CCN3: variants seen among roughly 807,000 people sequenced by gnomAD.
CCN3 encodes the protein cellular communication network factor 3, also known as CCN family member 3.
A neutral mutation model predicts 33.4 loss-of-function variants in CCN3; 20 were observed. The observed-to-expected ratio is 0.60, with a 90% CI of 0.42 to 0.87. CCN3 has a LOEUF of 0.87. Among genes scored for constraint, CCN3 ranks in the 40% least tolerant of loss-of-function variants. The pLI is 0.00. For missense variants in CCN3, 465 were observed against 455.3 expected (o/e 1.02, Z -0.19); for synonymous variants, 205 against 170.4 (o/e 1.20, Z -1.58).
chr8:119,416,610 G>A lies in CCN3; in HGVS notation c.78G>A (p.Leu26=). 3 of 1,613,614 alleles carry A rather than the reference G, an allele frequency of 1.9e-6. No homozygotes were observed. Among genetic ancestry groups the A allele is most frequent in the Middle Eastern group, 1.6e-4 (1 of 6,062 alleles). Residue 26 remains leucine, a synonymous_variant, in exon 1 of 5, where the codon CTG becomes CTA. Coordinates refer to ENST00000259526, the MANE Select transcript of CCN3 (RefSeq NM_002514.4). ...LCLTFLLLHL[L]GQVAATQRCP... ...TGACCTTCCTGCTTCTCCATCTCCTGGGACAGGTAAGTGGCACACCCTTAA... is the reference window on the plus strand; with the variant it reads ...TGACCTTCCTGCTTCTCCATCTCCTAGGACAGGTAAGTGGCACACCCTTAA...
rs1161476786 is a variant in CCN3 at position 119,416,448 on chromosome 8, G to A, written c.-85G>A. The A allele has an allele frequency of 2.8e-5, 38 of 1,335,948 alleles. No homozygotes were observed. The highest frequency in any genetic ancestry group is 3.9e-5 in the Non-Finnish European group (37 of 943,666). The allele number at this position is 1,335,948 out of a possible 1,614,324, so 82.8% of individuals were successfully genotyped here. A position where few individuals can be genotyped will look rare whatever the true frequency, so the allele number is the denominator to read the frequency against. On this transcript the variant is annotated 5_prime_UTR_variant, in exon 1 of 5. Transcript: ENST00000259526. ...AACCTGTGCTGGGCGTGATCGGCAA[G>A]CACCGGACCAGGGGGAAGGCGAGCA...
At position 119,416,547 on chromosome 8, in the gene CCN3, G is replaced by C. The variant is rs1219524439; in HGVS notation, c.15G>C (p.Gln5His). MQSVQSTSFCLRKQC... is the reference protein window; with the variant it reads MQSVHSTSFCLRKQC... ...AAAGCCTGAGCATGCAGAGTGTGCA[G>C]AGCACGAGCTTTTGTCTCCGAAAGC... Residue 5 changes from glutamine to histidine, a missense_variant, in exon 1 of 5, where the codon CAG (glutamine) becomes CAC (histidine). Coordinates refer to ENST00000259526, the MANE Select transcript of CCN3 (RefSeq NM_002514.4). 1.2e-6 allele frequency: 2 copies of C among 1,613,888 alleles called. No individual in the cohort carries two copies. Among genetic ancestry groups the C allele is most frequent in the Non-Finnish European group, 8.5e-7 (1 of 1,179,982 alleles).
Position 119,423,352 on chromosome 8 carries a change from G to T in CCN3, c.*220G>T. 1 of 447,966 alleles carries T rather than the reference G, an allele frequency of 2.2e-6. No homozygotes were observed. The highest frequency in any genetic ancestry group is 5.6e-5 in the South Asian group (1 of 17,934). 27.7% of individuals were successfully genotyped at this position (447,966 alleles called of 1,614,324 possible). A position where few individuals can be genotyped will look rare whatever the true frequency, so the allele number is the denominator to read the frequency against. On this transcript the variant is annotated 3_prime_UTR_variant, in exon 5 of 5. Coordinates refer to ENST00000259526, the MANE Select transcript of CCN3 (RefSeq NM_002514.4). Reference sequence around the variant, plus strand: ...CAAGGTAAGCTCAGGATATGGCTTAGGAATGACTTACTTTCCTGTGGTTTT... The same window carrying T: ...CAAGGTAAGCTCAGGATATGGCTTATGAATGACTTACTTTCCTGTGGTTTT...
In CCN3 at chr8:119,416,818, G is replaced by A. The variant is rs768712383; in HGVS notation, c.159G>A (p.Gly53=). The A allele has an allele frequency of 1.9e-6, 3 of 1,609,118 alleles. No individual in the cohort carries two copies. The highest frequency in any genetic ancestry group is 2.5e-6 in the Non-Finnish European group (3 of 1,178,118). Residue 53 remains glycine (G), a synonymous_variant, in exon 2 of 5, where the codon GGG becomes GGA. Transcript: ENST00000259526. ...CPATPPTCAP[G]VRAVLDGCSC... is the part of the protein sequence containing the mutation. ...CGACGCCGCCGACCTGCGCCCCCGG[G>A]GTGCGCGCGGTGCTGGACGGCTGCT...
At position 119,424,159 on chromosome 8, in the gene CCN3, T is replaced by C. The variant is rs935824854; in HGVS notation, c.*1027T>C. The C allele has an allele frequency of 1.9e-4, 29 of 152,240 alleles. No individual in the cohort carries two copies. The highest frequency in any genetic ancestry group is 4.1e-4 in the Non-Finnish European group (28 of 68,040). 9.4% of individuals were successfully genotyped at this position (152,240 alleles called of 1,614,324 possible). A position where few individuals can be genotyped will look rare whatever the true frequency, so the allele number is the denominator to read the frequency against. ...AAAACTCATGATCAAGATATATGTG[T>C]ATACATACATGTATCTGGTTTGTCA... On this transcript the variant is annotated 3_prime_UTR_variant, in exon 5 of 5. Coordinates refer to ENST00000259526, the MANE Select transcript of CCN3 (RefSeq NM_002514.4).
At chr8:119,418,458 A>T (rs1399981646) in intron 3 of CCN3, 149 bp downstream of exon 3, 2 of 862,952 alleles carry the variant, frequency 2.3e-6, no homozygotes, top group Non-Finnish European at 3.5e-6. Context: ...GAGATCAAAC[A>T]CATTTGTAGA....
At chr8:119,421,087 T>A (rs184324031) in intron 4 of CCN3, among the ~76,000 whole-genome samples, 1 of 148,410 alleles carries the variant, frequency 6.7e-6, no homozygotes, top group African/African-American at 2.5e-5. Flanking sequence ...GGCACAATCT[T>A]GGCTCACCGC....
chr8:119,416,451 C>T lies in CCN3; in HGVS notation c.-82C>T. ...CTGTGCTGGGCGTGATCGGCAAGCACCGGACCAGGGGGAAGGCGAGCAGTG... is the reference window on the plus strand; with the variant it reads ...CTGTGCTGGGCGTGATCGGCAAGCATCGGACCAGGGGGAAGGCGAGCAGTG... On this transcript the variant is annotated 5_prime_UTR_variant, in exon 1 of 5. Coordinates refer to ENST00000259526, the MANE Select transcript of CCN3 (RefSeq NM_002514.4). The T allele has an allele frequency of 2.2e-6, 3 of 1,377,024 alleles. No individual in the cohort carries two copies. The highest frequency in any genetic ancestry group is 3.1e-6 in the Non-Finnish European group (3 of 979,312). The allele number at this position is 1,377,024 out of a possible 1,614,324, so 85.3% of individuals were successfully genotyped here.
chr8:119,421,913 T>A (rs1314724465), intron 4 of CCN3, among the ~76,000 whole-genome samples: 2 of 152,224 alleles, frequency 1.3e-5, no homozygotes, highest in African/African-American at 4.8e-5. Context: ...TGAGTTAATG[T>A]TTGAAGAGTA....
intron 4 of CCN3, among the ~76,000 whole-genome samples, chr8:119,421,415 A>C (rs1820122385): frequency 6.6e-6 from 1 of 152,144 alleles, no homozygotes; most frequent in South Asian, 2.1e-4. Context: ...TGAATCCAAA[A>C]CTCAGGGTGT....
rs1186411552 is a variant in CCN3 at position 119,423,065 on chromosome 8, A to G, written c.1007A>G (p.Asn336Ser). ...ATTGGGACCTGCACCTGTCACACCAACTGTCCTAAGAACAATGAGGCCTTC... is the reference window on the plus strand; with the variant it reads ...ATTGGGACCTGCACCTGTCACACCAGCTGTCCTAAGAACAATGAGGCCTTC... ...MVIGTCTCHT[N>S]CPKNNEAFLQ... Residue 336 changes from asparagine (N) to serine (S), a missense_variant, in exon 5 of 5, where the codon AAC becomes AGC. Coordinates refer to ENST00000259526, the MANE Select transcript of CCN3 (RefSeq NM_002514.4). 3.7e-6 allele frequency: 6 copies of G among 1,614,036 alleles called. No homozygotes were observed. Among genetic ancestry groups the G allele is most frequent in the African/African-American group, 1.3e-5 (1 of 74,912 alleles).
At chr8:119,418,029 C>T in intron 2 of CCN3, 29 bp from the exon 3 acceptor site, 1 of 1,595,702 alleles carries the variant, frequency 6.3e-7, no homozygotes, top group South Asian at 1.1e-5. Flanking sequence ...TTCCTCTTTG[C>T]TTTTCACTTT....
At chr8:119,422,754 C>T in intron 4 of CCN3, 82 bp from the exon 5 acceptor site, 1 of 1,141,612 alleles carries the variant, frequency 8.8e-7, no homozygotes, top group Non-Finnish European at 1.3e-6. Flanking sequence ...GGGTGGGCAA[C>T]TAGCAGGTAA....
Position 119,422,945 on chromosome 8 carries a change from G to A in CCN3, c.887G>A (p.Ser296Asn). The change falls in exon 5 of 5, where the codon AGT becomes AAT. Residue 296 changes from serine to asparagine, a missense_variant. By Grantham distance (46) the Ser-to-Asn change is conservative. Coordinates refer to ENST00000259526, the MANE Select transcript of CCN3 (RefSeq NM_002514.4). ...AAGCCCAGGTTCTGTGGGGTCTGCA[G>A]TGATGGCCGCTGCTGCACTCCCCAC... is the stretch of plus-strand genomic sequence containing the variant. ...TYKPRFCGVC[S>N]DGRCCTPHNT... 1 of 1,614,150 alleles carries A rather than the reference G, an allele frequency of 6.2e-7. No homozygotes were observed. The highest frequency in any genetic ancestry group is 1.3e-5 in the African/African-American group (1 of 75,040).
intron 3 of CCN3, 85 bp from the exon 4 acceptor site, chr8:119,419,046 C>T: frequency 3.0e-6 from 3 of 1,012,706 alleles, no homozygotes; most frequent in Non-Finnish European, 4.6e-6. Flanking sequence ...GAATGAGACC[C>T]AGTTTCTAAT....
chr8:119,418,276 G>T lies in CCN3; in HGVS notation c.529G>T (p.Glu177Ter). ...CCEKWICGPD[E>*]EDSLGGLTLA... ...TGAAAAGTGGATCTGTGGCCCAGATGAGGAGGATTCACTGGGAGGCCTTAC... is the reference window on the plus strand; with the variant it reads ...TGAAAAGTGGATCTGTGGCCCAGATTAGGAGGATTCACTGGGAGGCCTTAC... Residue 177 changes from glutamate to a stop codon, truncating the protein, a stop_gained, in exon 3 of 5, where the codon GAG becomes TAG. Coordinates refer to ENST00000259526, the MANE Select transcript of CCN3 (RefSeq NM_002514.4). LOFTEE classifies it high-confidence loss of function. 6.2e-7 allele frequency: 1 copy of T among 1,614,152 alleles called. No homozygotes were observed. The highest frequency in any genetic ancestry group is 8.5e-7 in the Non-Finnish European group (1 of 1,180,032).
chr8:119,419,083 T>A lies in CCN3; in HGVS notation c.563-48T>A, dbSNP rs368526303. ...ATGGCTGAAAAGGACCACTTTCCAA[T>A]CCTCACATTGTACCTAATATGGCTG... On this transcript the variant is annotated intron_variant, in intron 3 of 4. Transcript: ENST00000259526. 1.5e-5 allele frequency: 22 copies of A among 1,489,630 alleles called. No homozygotes were observed. In the African/African-American group the frequency reaches 2.9e-4, roughly 20 times the overall value. The allele number at this position is 1,489,630 out of a possible 1,614,324, so 92.3% of individuals were successfully genotyped here.
Position 119,418,195 on chromosome 8 carries a change from C to A in CCN3, c.448C>A (p.Leu150Met), listed in dbSNP as rs1205981832. Residue 150 changes from leucine to methionine, a missense_variant, in exon 3 of 5, where the codon CTG becomes ATG. By Grantham distance (15) the Leu-to-Met change is conservative. Coordinates refer to ENST00000259526, the MANE Select transcript of CCN3 (RefSeq NM_002514.4). ...CVPRCQLDVL[L>M]PEPNCPAPRK... is the part of the protein sequence containing the mutation. ...GCCCCGCTGTCAGCTGGATGTGCTACTGCCTGAGCCTAACTGCCCAGCTCC... is the reference window on the plus strand; with the variant it reads ...GCCCCGCTGTCAGCTGGATGTGCTAATGCCTGAGCCTAACTGCCCAGCTCC... 6.2e-7 allele frequency: 1 copy of A among 1,614,108 alleles called. No homozygotes were observed. The highest frequency in any genetic ancestry group is 8.5e-7 in the Non-Finnish European group (1 of 1,180,056).
chr8:119,417,351 G>A (rs948133991), intron 2 of CCN3, among the ~76,000 whole-genome samples: 6 of 152,202 alleles, frequency 3.9e-5, no homozygotes, highest in Non-Finnish European at 8.8e-5. Context: ...TTCCCAAACT[G>A]CAGTTGGGGA....
Sources: allele counts gnomAD v4.1 joint callset (sites outside exome capture counted in the v4.1 genomes callset), GRCh38; gene constraint gnomAD v4.1.1; transcripts MANE v1.5; gene names NCBI Gene and HGNC (gene_info 2026-07-23, HGNC 2026-07-21).